Variants in RADX observed in about 807,000 individuals in gnomAD.
RADX encodes the protein RPA1 related single stranded DNA binding protein, X-linked, also known as RPA-related protein RADX.
In RADX, 36 loss-of-function variants were observed where a neutral mutation model predicts 61.6. That is an observed-to-expected ratio of 0.58 (90% CI 0.45 to 0.77). The LOEUF is 0.77. Ranked by LOEUF, RADX falls within the 30% of genes least tolerant of loss-of-function variation. RADX has a pLI of 0.00. For missense variants in RADX, 497 were observed against 651.1 expected (o/e 0.76, Z 2.58); for synonymous variants, 272 against 237.9 (o/e 1.14, Z -1.32).
chrX:106,623,843 A>G (rs149052644), intron 2 of RADX, among the ~76,000 whole-genome samples: 2,009 of 111,627 alleles, frequency 0.018, 37 homozygotes, highest in African/African-American at 0.062. Flanking sequence ...TTACAGTTAT[A>G]TATTTTTAGC....
chrX:106,619,570 A>G (rs977057167), intron 1 of RADX, among the ~76,000 whole-genome samples: 3 of 111,917 alleles, frequency 2.7e-5, no homozygotes, highest in Non-Finnish European at 3.8e-5. Flanking sequence ...ACCTGCTGCC[A>G]GTTTTGGAAG....
intron 6 of RADX, among the ~76,000 whole-genome samples, chrX:106,633,664 T>C (rs945570263): frequency 3.6e-5 from 4 of 112,223 alleles, no homozygotes; most frequent in African/African-American, 1.3e-4. Context: ...GTGGACTATG[T>C]AATTACATAA....
intron 11 of RADX, among the ~76,000 whole-genome samples, chrX:106,652,683 A>C (rs1927823595): frequency 1.0e-5 from 1 of 97,748 alleles, no homozygotes; most frequent in Admixed American, 1.1e-4. Context: ...GGAGACAAAA[A>C]CATCATTAAA....
chrX:106,625,576 G>A (rs962238874), intron 3 of RADX, among the ~76,000 whole-genome samples: 7 of 111,469 alleles, frequency 6.3e-5, no homozygotes, highest in Non-Finnish European at 1.3e-4. Flanking sequence ...ATAATATTAA[G>A]TTAATAACGA....
chrX:106,632,943 A>G lies in RADX; in HGVS notation c.1100A>G (p.Asp367Gly), dbSNP rs776966238. Reference protein sequence around the residue: ...NHRFTTRSELDDMPENCICDV... With the variant: ...NHRFTTRSELGDMPENCICDV... ...TTTTACCTTTTTAGGTCAGAACTGGATGATATGCCAGAAAATTGCATCTGT... is the reference window on the plus strand; with the variant it reads ...TTTTACCTTTTTAGGTCAGAACTGGGTGATATGCCAGAAAATTGCATCTGT... Residue 367 changes from aspartate to glycine, a missense_variant, in exon 5 of 14, where the codon GAT becomes GGT. Transcript: ENST00000372548. 1.2e-5 allele frequency: 15 copies of G among 1,205,878 alleles called. No homozygotes were observed. The highest frequency in any genetic ancestry group is 1.7e-5 in the Non-Finnish European group (15 of 890,277).
intron 13 of RADX, among the ~76,000 whole-genome samples, chrX:106,670,226 C>G (rs2147643440): frequency 9.0e-6 from 1 of 110,823 alleles, no homozygotes; most frequent in Admixed American, 9.7e-5. Context: ...AGATGATATA[C>G]ACTTGCCGTA....
intron 2 of RADX, among the ~76,000 whole-genome samples, chrX:106,624,110 G>A (rs996091270): frequency 1.8e-5 from 2 of 111,298 alleles, no homozygotes; most frequent in South Asian, 3.8e-4. Context: ...CTCTGCTCAC[G>A]TTGTTTCTTC....
chrX:106,630,405 A>T (rs1043464394), intron 3 of RADX, among the ~76,000 whole-genome samples: 17 of 110,684 alleles, frequency 1.5e-4, no homozygotes, highest in African/African-American at 4.9e-4. Context: ...AACGGCAAAC[A>T]CAATTCTTAA....
chrX:106,643,131 T>C (rs1927564163), intron 10 of RADX, among the ~76,000 whole-genome samples: 1 of 111,724 alleles, frequency 9.0e-6, no homozygotes, highest in African/African-American at 3.3e-5. Flanking sequence ...TATACCTTCT[T>C]TTGAGAAACG....
intron 10 of RADX, among the ~76,000 whole-genome samples, chrX:106,641,803 C>T (rs1230728178): frequency 9.0e-6 from 1 of 111,187 alleles, no homozygotes; most frequent in East Asian, 2.8e-4. Flanking sequence ...TAGTCTCACT[C>T]CCAAGGTCAT....
intron 3 of RADX, among the ~76,000 whole-genome samples, chrX:106,630,034 G>A (rs1381150793): frequency 8.9e-6 from 1 of 111,974 alleles, no homozygotes; most frequent in Non-Finnish European, 1.9e-5. Flanking sequence ...CTTAAACTAA[G>A]TAAGGGGGCT....
rs757573841 is a variant in RADX at position 106,669,194 on chromosome X, T to C, written c.2301T>C (p.Ala767=). The part of the protein sequence containing the change: ...GLNHEIAIDV[A]FLPMYCPEDI... ...ACCATGAGATAGCAATCGATGTTGC[T>C]TTCCTACCCATGTATTGTCCAGAAG... The change falls in exon 13 of 14, where the codon GCT becomes GCC. Residue 767 remains alanine, a synonymous_variant. Transcript: ENST00000372548. The C allele has an allele frequency of 6.6e-6, 8 of 1,206,093 alleles. No individual in the cohort carries two copies. The highest frequency in any genetic ancestry group is 5.9e-5 in the East Asian group (2 of 33,822).
chrX:106,661,669 TA>T (rs759189007), intron 11 of RADX, among the ~76,000 whole-genome samples: 10 of 111,633 alleles, frequency 9.0e-5, no homozygotes, highest in Admixed American at 9.5e-5. Context: ...GAATTTAATT[TA>T]ATTTGAATTT....
chrX:106,669,994 A>C (rs1342232559), intron 13 of RADX, among the ~76,000 whole-genome samples: 2 of 111,855 alleles, frequency 1.8e-5, no homozygotes, highest in Non-Finnish European at 3.8e-5. Context: ...AGGATATTAC[A>C]TTTAAAATGG....
At position 106,612,589 on chromosome X, in the gene RADX, A is replaced by G. The variant is rs148686737; in HGVS notation, c.509A>G (p.Asn170Ser). 5 of 1,209,421 alleles carry G rather than the reference A, an allele frequency of 4.1e-6. No homozygotes were observed. The highest frequency in any genetic ancestry group is 4.5e-6 in the Non-Finnish European group (4 of 895,184). Residue 170 changes from asparagine (N) to serine (S), a missense_variant, in exon 1 of 14, where the codon AAT becomes AGT. Transcript: ENST00000372548. ...DSISLETPFR[N>S]RAHQEKPERP... ...ATTTCTTTAGAAACTCCCTTCAGAA[A>G]TAGAGCGCACCAGGAGAAACCAGAG...
intron 11 of RADX, among the ~76,000 whole-genome samples, 166 bp downstream of exon 11, chrX:106,648,552 A>C (rs1332281213): frequency 9.0e-6 from 1 of 111,596 alleles, no homozygotes; most frequent in Non-Finnish European, 1.9e-5. Context: ...TCAATTTGGT[A>C]TCATCCCAAA....
intron 5 of RADX, 52 bp downstream of exon 5, chrX:106,633,075 T>G: frequency 3.5e-6 from 4 of 1,157,533 alleles, no homozygotes; most frequent in Non-Finnish European, 4.7e-6. Context: ...AATAATTTTG[T>G]GTTCATATGT....
chrX:106,674,487 A>T, intron 13 of RADX, among the ~76,000 whole-genome samples: 1 of 111,789 alleles, frequency 8.9e-6, no homozygotes, highest in Non-Finnish European at 1.9e-5. Flanking sequence ...TGTTTTAACA[A>T]CAGCGATCCT....
chrX:106,625,278 A>C lies in RADX; in HGVS notation c.975A>C (p.Thr325=). The C allele has an allele frequency of 1.7e-6, 2 of 1,151,768 alleles. No individual in the cohort carries two copies. Among genetic ancestry groups the C allele is most frequent in the East Asian group, 3.1e-5 (1 of 32,784 alleles). 94.9% of individuals were successfully genotyped at this position (1,151,768 alleles called of 1,213,427 possible). ...ATCCACAGATCAAACTAATTTCTACAATGGGTTAAGTATTCCATGAATTTG... is the reference window on the plus strand; with the variant it reads ...ATCCACAGATCAAACTAATTTCTACCATGGGTTAAGTATTCCATGAATTTG... ...PVDPQIKLIS[T]MEICLNLRDP... The change falls in exon 3 of 14, where the codon ACA becomes ACC. Residue 325 remains threonine (T), a synonymous_variant. Coordinates refer to ENST00000372548, the MANE Select transcript of RADX (RefSeq NM_018015.6).
Sources: gnomAD v4.1 joint callset for allele counts (sites outside exome capture counted in the v4.1 genomes callset) on GRCh38, gnomAD v4.1.1 for gene constraint, MANE v1.5 for transcripts, NCBI Gene and HGNC (gene_info 2026-07-23, HGNC 2026-07-21) for gene names.